The following SDK1 variants were observed in gnomAD, a reference collection of about 807,000 sequenced individuals.
SDK1 encodes protein sidekick-1.
A neutral mutation model predicts 245.5 loss-of-function variants in SDK1; 157 were observed. That is an observed-to-expected ratio of 0.64 (90% CI 0.56 to 0.73). The LOEUF (loss-of-function observed/expected upper bound fraction) is 0.73. SDK1 is among the 30% of genes least tolerant of loss of function. The pLI is 0.00. For synonymous variants in SDK1, 1,647 were observed against 1,278.5 expected, an observed-to-expected ratio of 1.29 and a Z score of -6.15; for missense variants, 3,583 against 3,002.3, an observed-to-expected ratio of 1.19 and a Z score of -4.52.
Position 3,974,413 on chromosome 7 carries a change from C to T in SDK1, c.1862C>T (p.Thr621Met), listed in dbSNP as rs199809294. Reference sequence around the variant, plus strand: ...AACGTGGCCCTGACTCCATCGAGCACGTCTAGGATCGTGGTGGAGAAGGAC... The same window carrying T: ...AACGTGGCCCTGACTCCATCGAGCATGTCTAGGATCGTGGTGGAGAAGGAC... ...KDNVALTPSS[T>M]SRIVVEKDGS... Residue 621 changes from threonine (T) to methionine (M), a missense_variant, in exon 13 of 45, where the codon ACG (threonine) becomes ATG (methionine). Thr to Met is a moderately conservative substitution (Grantham distance 81). Coordinates refer to ENST00000404826, the MANE Select transcript of SDK1 (RefSeq NM_152744.4). 257 of 1,613,962 alleles carry T rather than the reference C, an allele frequency of 1.6e-4. No individual in the cohort carries two copies. Among genetic ancestry groups the T allele is most frequent in the Non-Finnish European group, 1.9e-4 (226 of 1,180,018 alleles).
chr7:4,204,000 G>A (rs549981271), intron 35 of SDK1, among the ~76,000 whole-genome samples: 16 of 152,332 alleles, frequency 1.1e-4, no homozygotes, highest in African/African-American at 3.8e-4. Flanking sequence ...GGGTTCACCT[G>A]GCGCTCACAG....
chr7:4,230,879 C>G (rs763248199), intron 40 of SDK1, among the ~76,000 whole-genome samples: 6 of 152,154 alleles, frequency 3.9e-5, no homozygotes, highest in Non-Finnish European at 7.4e-5. Context: ...TCTTGATTTT[C>G]CTCCATCCCC....
At chr7:3,511,533 C>G (rs1430087170) in intron 1 of SDK1, among the ~76,000 whole-genome samples, 2 of 152,094 alleles carry the variant, frequency 1.3e-5, no homozygotes, top group South Asian at 2.1e-4. Context: ...AATTGTCAGA[C>G]TCTGTTAAAT....
At chr7:3,463,643 T>A (rs1780901086) in intron 1 of SDK1, among the ~76,000 whole-genome samples, 1 of 152,226 alleles carries the variant, frequency 6.6e-6, no homozygotes, top group Non-Finnish European at 1.5e-5. Flanking sequence ...TTTCTGTGCC[T>A]ATTTAAACTA....
chr7:4,186,339 G>A (rs1782893180), intron 35 of SDK1, among the ~76,000 whole-genome samples: 1 of 152,144 alleles, frequency 6.6e-6, no homozygotes. Flanking sequence ...CTGGAGCAGG[G>A]CCCTCCGACA....
At chr7:3,661,022 T>G (rs1783338432) in intron 4 of SDK1, among the ~76,000 whole-genome samples, 1 of 152,198 alleles carries the variant, frequency 6.6e-6, no homozygotes, top group African/African-American at 2.4e-5. Flanking sequence ...AAATTACTTA[T>G]GTGAAGCCTG....
intron 7 of SDK1, among the ~76,000 whole-genome samples, chr7:3,955,258 C>G (rs369780334): frequency 6.6e-6 from 1 of 152,270 alleles, no homozygotes; most frequent in African/African-American, 2.4e-5. Flanking sequence ...GGCCAGGGGT[C>G]CCCTCAGGTT....
intron 1 of SDK1, among the ~76,000 whole-genome samples, chr7:3,407,092 A>G (rs1376361411): frequency 1.3e-5 from 2 of 152,192 alleles, no homozygotes; most frequent in Non-Finnish European, 2.9e-5. Context: ...ACTAGGTAGG[A>G]AAACAAACAA....
At chr7:4,074,886 G>GTATA (rs1240017364) in intron 20 of SDK1, among the ~76,000 whole-genome samples, 1,385 of 48,064 alleles carry the variant, frequency 0.029, 63 homozygotes, top group East Asian at 0.03. Flanking sequence ...CTCTCTCTCT[G>GTATA]TATATATATA....
chr7:3,516,092 C>G (rs944934442), intron 1 of SDK1, among the ~76,000 whole-genome samples: 1 of 148,000 alleles, frequency 6.8e-6, no homozygotes, highest in South Asian at 2.1e-4. Context: ...ACCTTTGTTC[C>G]TGTTCTTTAA....
At chr7:3,795,092 A>G (rs550331263) in intron 4 of SDK1, among the ~76,000 whole-genome samples, 1 of 152,268 alleles carries the variant, frequency 6.6e-6, no homozygotes, top group Admixed American at 6.5e-5. Flanking sequence ...AGATAGGGTG[A>G]CAGAGCCTCA....
chr7:4,082,752 C>G (rs1264161597), intron 22 of SDK1, among the ~76,000 whole-genome samples: 1 of 151,950 alleles, frequency 6.6e-6, no homozygotes, highest in Non-Finnish European at 1.5e-5. Context: ...TCCTGAGTAG[C>G]TAGGACCACA....
At chr7:4,150,347 G>T (rs1780275980) in intron 30 of SDK1, among the ~76,000 whole-genome samples, 1 of 152,182 alleles carries the variant, frequency 6.6e-6, no homozygotes, top group Admixed American at 6.5e-5. Flanking sequence ...GTCTTGGAGT[G>T]AGTCCCTCCA....
At chr7:3,850,295 A>C (rs540216768) in intron 5 of SDK1, among the ~76,000 whole-genome samples, 2 of 152,336 alleles carry the variant, frequency 1.3e-5, no homozygotes, top group Non-Finnish European at 2.9e-5. Context: ...AGAACATTTA[A>C]AGTACTAAGT....
At position 4,053,544 on chromosome 7, in the gene SDK1, CTG is replaced by C. The variant is rs1779017470; in HGVS notation, c.2911+1717_2911+1718del. ...TCACTCAAAATCGGCAGCTCCCTGA[CTG>C]TGCTGCCCCTGGAGCTGCCGGGATG... On this transcript the variant is annotated intron_variant, in intron 19 of 44. Transcript: ENST00000404826. Among the ~76,000 whole-genome samples the C allele has an allele frequency of 2.6e-5, 4 of 152,290 alleles. No homozygotes were observed. The South Asian group carries it at 8.3e-4, about 32-fold the overall frequency.
At chr7:3,692,420 G>A (rs1283993870) in intron 4 of SDK1, among the ~76,000 whole-genome samples, 1 of 151,972 alleles carries the variant, frequency 6.6e-6, no homozygotes, top group Middle Eastern at 3.2e-3. Context: ...TATATAGTTA[G>A]TTTTGCTATT....
At chr7:4,034,124 A>G (rs1009676015) in intron 17 of SDK1, among the ~76,000 whole-genome samples, 2 of 152,220 alleles carry the variant, frequency 1.3e-5, no homozygotes, top group Admixed American at 1.3e-4. Context: ...GCAAGCCTGA[A>G]TCAAGTTAAA....
intron 4 of SDK1, among the ~76,000 whole-genome samples, chr7:3,659,526 G>A (rs187410434): frequency 6.6e-6 from 1 of 152,172 alleles, no homozygotes. Context: ...TGTGTTCCAA[G>A]GCCGAAAGGG....
chr7:3,786,814 C>T (rs961470599), intron 4 of SDK1, among the ~76,000 whole-genome samples: 1 of 152,028 alleles, frequency 6.6e-6, no homozygotes, highest in Non-Finnish European at 1.5e-5. Context: ...AGGAATACAC[C>T]TCGGTAGTAC....
Sources: allele counts gnomAD v4.1 joint callset (sites outside exome capture counted in the v4.1 genomes callset), GRCh38; gene constraint gnomAD v4.1.1; transcripts MANE v1.5; gene names NCBI Gene and HGNC (gene_info 2026-07-23, HGNC 2026-07-21).